The following SNTG2 variants were observed in gnomAD, a reference collection of about 807,000 sequenced individuals.
SNTG2 encodes the protein syntrophin gamma 2, also known as gamma-2-syntrophin.
A neutral mutation model predicts 70.9 loss-of-function variants in SNTG2; 74 were observed. The observed-to-expected ratio is 1.04, with a 90% CI of 0.86 to 1.27. The LOEUF is 1.27. Among genes scored for constraint, SNTG2 ranks in the 50% most tolerant of loss-of-function variants. The pLI, the probability that SNTG2 is intolerant of heterozygous loss-of-function variation, is 0.00. For synonymous variants in SNTG2, 278 were observed against 273.8 expected (o/e 1.02, Z -0.15); for missense variants, 717 against 690.7 (o/e 1.04, Z -0.43).
chr2:1,160,618 T>C (rs1232288650), intron 6 of SNTG2: 5 of 152,120 alleles, frequency 3.3e-5, no homozygotes. Flanking sequence ...CAGATTCACA[T>C]GTCGAAGCCC....
At chr2:1,316,838 GCATTGGAGAAGGCTGGGATTCTGGAGC>G (rs1681305845) in intron 16 of SNTG2, among the ~76,000 whole-genome samples, 1 of 100,378 alleles carries the variant, frequency 1.0e-5, no homozygotes, top group Non-Finnish European at 2.2e-5. Context: ...CATGAGGCCA[GCATTGGAGAAGGCTGGGATTCTGGAGC>G]GTTTAGCATG....
chr2:1,055,990 C>G (rs1004992347), intron 1 of SNTG2, among the ~76,000 whole-genome samples: 13 of 151,914 alleles, frequency 8.6e-5, no homozygotes, highest in Non-Finnish European at 8.8e-5. Context: ...TGCGGTGGGT[C>G]GCGGGGACTG....
intron 8 of SNTG2, among the ~76,000 whole-genome samples, chr2:1,177,440 A>T (rs909560949): frequency 2.7e-4 from 41 of 152,142 alleles, no homozygotes; most frequent in African/African-American, 9.6e-4. Flanking sequence ...ACGTTTACCA[A>T]TGTAACAAAC....
At chr2:1,254,656 T>C (rs1390390758) in intron 12 of SNTG2, among the ~76,000 whole-genome samples, 1 of 152,188 alleles carries the variant, frequency 6.6e-6, no homozygotes, top group Non-Finnish European at 1.5e-5. Flanking sequence ...ATGATAACAG[T>C]CAAAGGTACC....
chr2:1,129,633 T>G (rs1458874592), intron 4 of SNTG2, among the ~76,000 whole-genome samples: 2 of 152,240 alleles, frequency 1.3e-5, no homozygotes, highest in African/African-American at 2.4e-5. Context: ...TGTTCCATGT[T>G]TTAAATTTAG....
intron 2 of SNTG2, among the ~76,000 whole-genome samples, chr2:1,092,056 A>C (rs1209509026): frequency 6.6e-6 from 1 of 152,216 alleles, no homozygotes; most frequent in East Asian, 1.9e-4. Context: ...TGTGGAAGAA[A>C]CAATGCCTCC....
chr2:1,235,647 G>A (rs568396762), intron 9 of SNTG2, among the ~76,000 whole-genome samples: 2 of 150,256 alleles, frequency 1.3e-5, no homozygotes, highest in African/African-American at 4.9e-5. Context: ...TTCATGAGAG[G>A]AGGCACCCTT....
At chr2:973,786 G>C (rs868832492) in intron 1 of SNTG2, among the ~76,000 whole-genome samples, 1 of 151,768 alleles carries the variant, frequency 6.6e-6, no homozygotes, top group Non-Finnish European at 1.5e-5. Flanking sequence ...TCTTTCCTCC[G>C]CTGTGTCCAG....
intron 1 of SNTG2, among the ~76,000 whole-genome samples, chr2:1,075,997 T>C (rs1201516495): frequency 6.6e-6 from 1 of 152,206 alleles, no homozygotes; most frequent in African/African-American, 2.4e-5. Context: ...ATTGCACGCC[T>C]GTGTGTAGGC....
intron 16 of SNTG2, among the ~76,000 whole-genome samples, chr2:1,363,559 A>C (rs1026920652): frequency 6.6e-6 from 1 of 152,204 alleles, no homozygotes; most frequent in African/African-American, 2.4e-5. Flanking sequence ...TGCAGGTGGA[A>C]ACACATCAGC....
intron 8 of SNTG2, among the ~76,000 whole-genome samples, chr2:1,176,845 G>T (rs969203897): frequency 1.3e-5 from 2 of 152,094 alleles, no homozygotes; most frequent in African/African-American, 2.4e-5. Flanking sequence ...TGATGTCGAG[G>T]TTGCAGAGAA....
intron 1 of SNTG2, among the ~76,000 whole-genome samples, chr2:1,009,902 A>C (rs1451162783): frequency 2.0e-5 from 3 of 152,194 alleles, no homozygotes; most frequent in African/African-American, 7.2e-5. Context: ...TAAACGAATC[A>C]GAAGTCCTGA....
intron 1 of SNTG2, among the ~76,000 whole-genome samples, chr2:1,016,614 G>C (rs545182027): frequency 6.6e-6 from 1 of 152,190 alleles, no homozygotes; most frequent in African/African-American, 2.4e-5. Flanking sequence ...AGCAGAGACC[G>C]AAAGCAGGCA....
chr2:1,352,339 G>A (rs1378838940), intron 16 of SNTG2, among the ~76,000 whole-genome samples: 4 of 151,976 alleles, frequency 2.6e-5, no homozygotes, highest in African/African-American at 4.8e-5. Context: ...TCTGCCTCCT[G>A]AGCTCCTTTG....
chr2:957,140 A>T (rs1179217541), intron 1 of SNTG2, among the ~76,000 whole-genome samples: 1 of 152,234 alleles, frequency 6.6e-6, no homozygotes. Context: ...CCGATGAGTT[A>T]GATGCAGTGT....
At chr2:1,347,285 C>G (rs1030205862) in intron 16 of SNTG2, among the ~76,000 whole-genome samples, 1 of 152,128 alleles carries the variant, frequency 6.6e-6, no homozygotes, top group African/African-American at 2.4e-5. Flanking sequence ...GGGGTTAGAG[C>G]TCCAGCCAGG....
At position 1,032,166 on chromosome 2, in the gene SNTG2, T is replaced by C. The variant is rs537470503; in HGVS notation, c.73-51352T>C. Among the ~76,000 whole-genome samples the C allele has an allele frequency of 4.9e-4, 74 of 152,068 alleles. 1 individual carries two copies. Among genetic ancestry groups the C allele is most frequent in the Non-Finnish European group, 5.9e-4 (40 of 67,998 alleles). ...ACACGGGCAGGCAGGGCCCTAACAA[T>C]GGAACAACGCTGCAGCGGGACCACG... is the stretch of plus-strand genomic sequence containing the variant. On this transcript the variant is annotated intron_variant, in intron 1 of 16. Coordinates refer to ENST00000308624, the MANE Select transcript of SNTG2 (RefSeq NM_018968.4).
chr2:1,245,028 A>G (rs1338260827), intron 11 of SNTG2, among the ~76,000 whole-genome samples: 1 of 150,426 alleles, frequency 6.6e-6, no homozygotes, highest in Non-Finnish European at 1.5e-5. Flanking sequence ...AGGACAAAAA[A>G]CCAAACACCG....
rs10633277 is a variant in SNTG2 at position 986,067 on chromosome 2, TAGAGAGAGAGAG to T, written c.72+35031_72+35042del. 2.5e-3 allele frequency among the ~76,000 whole-genome samples: 320 copies of T among 129,796 alleles called. 3 individuals carry two copies. The highest frequency in any genetic ancestry group is 8.6e-3 in the Middle Eastern group (2 of 232). The allele number at this position is 129,796 out of a possible 152,430, so 85.2% of individuals were successfully genotyped here. A position where few individuals can be genotyped will look rare whatever the true frequency, so the allele number is the denominator to read the frequency against. On this transcript the variant is annotated intron_variant, in intron 1 of 16. Coordinates refer to ENST00000308624, the MANE Select transcript of SNTG2 (RefSeq NM_018968.4). ...GGAAAAATACATTCCCTGCAAATAATAGAGAGAGAGAGAGAGAGAGAGAGAGAGAGAGAGAGA... is the reference window on the plus strand; with the variant it reads ...GGAAAAATACATTCCCTGCAAATAATAGAGAGAGAGAGAGAGAGAGAGAGA...
Sources: allele counts gnomAD v4.1 joint callset (sites outside exome capture counted in the v4.1 genomes callset), GRCh38; gene constraint gnomAD v4.1.1; transcripts MANE v1.5; gene names NCBI Gene and HGNC (gene_info 2026-07-23, HGNC 2026-07-21).